The following DLC1 variants were observed in gnomAD, a reference collection of about 807,000 sequenced individuals.
DLC1 encodes rho GTPase-activating protein 7.
In DLC1, 54 loss-of-function variants were observed where a neutral mutation model predicts 140.3. That is an observed-to-expected ratio of 0.38 (90% CI 0.31 to 0.48). DLC1 has a LOEUF of 0.48. Among genes scored for constraint, DLC1 ranks in the 20% least tolerant of loss-of-function variants. The pLI is 0.96. For synonymous variants in DLC1, 986 were observed against 728.1 expected, an observed-to-expected ratio of 1.35 and a Z score of -5.70; for missense variants, 2,536 against 1,907.0, an observed-to-expected ratio of 1.33 and a Z score of -6.14.
intron 5 of DLC1, among the ~76,000 whole-genome samples, chr8:13,181,633 A>C (rs1249535046): frequency 1.3e-5 from 2 of 152,068 alleles, no homozygotes; most frequent in Non-Finnish European, 2.9e-5. Flanking sequence ...GATGGTTTAC[A>C]GCTTCATCCA....
intron 2 of DLC1, among the ~76,000 whole-genome samples, chr8:13,480,509 A>T (rs556438747): frequency 6.6e-6 from 1 of 152,310 alleles, no homozygotes; most frequent in Admixed American, 6.5e-5. Context: ...GTGAATATTT[A>T]TGTATCATAA....
rs777816719 is a variant in DLC1, at chr8:13,476,262, G to A, written c.1023+22787C>T. 3.3e-5 allele frequency among the ~76,000 whole-genome samples: 5 copies of A among 152,026 alleles called. 1 individual carries two copies. Among genetic ancestry groups the A allele is most frequent in the South Asian group, 4.1e-4 (2 of 4,824 alleles). On this transcript the variant is annotated intron_variant, in intron 2 of 17. Coordinates refer to ENST00000276297, the MANE Select transcript of DLC1 (RefSeq NM_182643.3). ...CATCCAATGATAATAGCCTTGTTTCGTGATATTTTAAATCATTATACTAAT... is the reference window on the plus strand; with the variant it reads ...CATCCAATGATAATAGCCTTGTTTCATGATATTTTAAATCATTATACTAAT...
intron 2 of DLC1, among the ~76,000 whole-genome samples, chr8:13,442,521 A>C (rs1045099958): frequency 1.3e-5 from 2 of 152,214 alleles, no homozygotes; most frequent in Admixed American, 1.3e-4. Flanking sequence ...AAAATCAAAC[A>C]ACCCCATCAA....
chr8:13,285,386 A>C (rs10282978), intron 5 of DLC1, among the ~76,000 whole-genome samples: 4,956 of 152,236 alleles, frequency 0.033, 285 homozygotes, highest in African/African-American at 0.11. Context: ...ACCTAAAACA[A>C]ACATTAACTC....
At chr8:13,132,799 A>G (rs1054440961) in intron 5 of DLC1, 10 of 1,069,788 alleles carry the variant, frequency 9.3e-6, no homozygotes, top group Non-Finnish European at 1.3e-5. Flanking sequence ...CACCTCCAAG[A>G]AAATCCGGAG....
chr8:13,088,442 T>C (rs780661422), intron 16 of DLC1, 45 bp downstream of exon 16: 11 of 1,596,878 alleles, frequency 6.9e-6, no homozygotes, highest in Non-Finnish European at 6.9e-6. Flanking sequence ...TTGGTTCATA[T>C]ATGGAGTCAT....
At chr8:13,581,802 CCTT>C (rs1563455898) in intron 1 of DLC1, among the ~76,000 whole-genome samples, 1 of 152,196 alleles carries the variant, frequency 6.6e-6, no homozygotes, top group Admixed American at 6.5e-5. Context: ...TTGTCCTCTG[CCTT>C]CTTCTCTCTC....
At chr8:13,153,402 C>T (rs1164377369) in intron 5 of DLC1, among the ~76,000 whole-genome samples, 1 of 152,208 alleles carries the variant, frequency 6.6e-6, no homozygotes, top group Non-Finnish European at 1.5e-5. Context: ...GTGACTGTTA[C>T]AGCTCATAAA....
intron 1 of DLC1, among the ~76,000 whole-genome samples, chr8:13,550,387 T>G (rs13254456): frequency 0.26 from 39,000 of 152,050 alleles, 5,240 homozygotes; most frequent in East Asian, 0.34. Flanking sequence ...GTAAGTCAAT[T>G]GTACTTCTCT....
At chr8:13,269,662 C>G (rs550155089) in intron 5 of DLC1, among the ~76,000 whole-genome samples, 1 of 131,572 alleles carries the variant, frequency 7.6e-6, no homozygotes, top group Admixed American at 8.4e-5. Flanking sequence ...TATGATGATA[C>G]TACTGCACTC....
chr8:13,208,944 CATTA>C (rs1827804225), intron 5 of DLC1, among the ~76,000 whole-genome samples: 1 of 152,180 alleles, frequency 6.6e-6, no homozygotes, highest in Middle Eastern at 3.4e-3. Context: ...ATAATGTGTG[CATTA>C]ATTGTATTCC....
chr8:13,468,003 A>G (rs1800018547), intron 2 of DLC1, among the ~76,000 whole-genome samples: 1 of 152,174 alleles, frequency 6.6e-6, no homozygotes, highest in Non-Finnish European at 1.5e-5. Flanking sequence ...TTTATGACTG[A>G]CATTCGTTCT....
At chr8:13,568,238 G>A (rs1397748121) in intron 1 of DLC1, 1 of 281,372 alleles carries the variant, frequency 3.6e-6, no homozygotes, top group African/African-American at 2.2e-5. Context: ...ACTGTCTTTG[G>A]CGATCAAATG....
chr8:13,246,752 C>G (rs1829781364), intron 5 of DLC1, among the ~76,000 whole-genome samples: 1 of 151,966 alleles, frequency 6.6e-6, no homozygotes, highest in South Asian at 2.1e-4. Context: ...ATCTGAGTTC[C>G]TATTTAACTA....
At chr8:13,404,026 A>G (rs538796979) in intron 2 of DLC1, among the ~76,000 whole-genome samples, 33 of 152,216 alleles carry the variant, frequency 2.2e-4, no homozygotes, top group African/African-American at 7.7e-4. Context: ...CATGCTCTTT[A>G]TCCTAAGGTT....
intron 5 of DLC1, among the ~76,000 whole-genome samples, chr8:13,164,314 A>ATCTATCTATC (rs1554456651): frequency 6.7e-6 from 1 of 148,726 alleles, no homozygotes; most frequent in African/African-American, 2.5e-5. Flanking sequence ...AAAAATCTCT[A>ATCTATCTATC]TATCTATCTA....
chr8:13,407,866 C>G (rs1315808052), intron 2 of DLC1, among the ~76,000 whole-genome samples: 1 of 152,102 alleles, frequency 6.6e-6, no homozygotes, highest in African/African-American at 2.4e-5. Context: ...TGATCTTTGG[C>G]CAGCTGGACT....
At chr8:13,584,770 C>A (rs9650364) in intron 1 of DLC1, among the ~76,000 whole-genome samples, 50,103 of 152,036 alleles carry the variant, frequency 0.33, 9,391 homozygotes, top group South Asian at 0.52. Context: ...AAACTTTTCG[C>A]TGGTTCAACA....
At chr8:13,251,993 A>C (rs1273596810) in intron 5 of DLC1, among the ~76,000 whole-genome samples, 2 of 152,170 alleles carry the variant, frequency 1.3e-5, no homozygotes, top group African/African-American at 4.8e-5. Context: ...AGCTTTAGTG[A>C]TATTCTTTTA....
Sources: allele counts gnomAD v4.1 joint callset (sites outside exome capture counted in the v4.1 genomes callset), GRCh38; gene constraint gnomAD v4.1.1; transcripts MANE v1.5; gene names NCBI Gene and HGNC (gene_info 2026-07-23, HGNC 2026-07-21).